CYLC1: variants seen among roughly 807,000 people sequenced by gnomAD.
The protein encoded by CYLC1 is cylicin-1.
A neutral mutation model predicts 31.6 loss-of-function variants in CYLC1; 2 were observed. The observed-to-expected ratio is 0.06, with a 90% CI of 0.03 to 0.20. The LOEUF (loss-of-function observed/expected upper bound fraction) is 0.20, where lower values mean the gene tolerates loss of function less well. CYLC1 is among the 10% of genes least tolerant of loss of function. The pLI is 1.00. For missense variants in CYLC1, 595 were observed against 424.1 expected (o/e 1.40, Z -3.54); for synonymous variants, 185 against 153.0 (o/e 1.21, Z -1.54).
At chrX:83,876,354 T>A (rs2031758633) in intron 4 of CYLC1, among the ~76,000 whole-genome samples, 1 of 110,718 alleles carries the variant, frequency 9.0e-6, no homozygotes, top group South Asian at 3.8e-4. Flanking sequence ...AAAAGTACAC[T>A]GGGGAATAAT....
chrX:83,870,514 T>A (rs1405486506), intron 2 of CYLC1, among the ~76,000 whole-genome samples: 4 of 111,531 alleles, frequency 3.6e-5, no homozygotes, highest in African/African-American at 9.7e-5. Flanking sequence ...ATTTAACCTC[T>A]CCCTCTCTCT....
At chrX:83,871,086 A>G (rs1251471262) in intron 2 of CYLC1, among the ~76,000 whole-genome samples, 4 of 86,786 alleles carry the variant, frequency 4.6e-5, no homozygotes, top group African/African-American at 1.4e-4. Flanking sequence ...AGTGACATAA[A>G]GAAAAAAAAA....
At chrX:83,861,969 T>G (rs938071615) in intron 1 of CYLC1, among the ~76,000 whole-genome samples, 47 of 111,231 alleles carry the variant, frequency 4.2e-4, no homozygotes, top group African/African-American at 1.5e-3. Context: ...AAAATTCAAT[T>G]AATGTGGAAT....
intron 4 of CYLC1, among the ~76,000 whole-genome samples, chrX:83,878,042 A>G (rs2031811758): frequency 1.5e-5 from 1 of 66,316 alleles, no homozygotes; most frequent in African/African-American, 6.0e-5. Flanking sequence ...GTATATAAAT[A>G]TAAATATATA....
intron 3 of CYLC1, among the ~76,000 whole-genome samples, 164 bp from the exon 4 acceptor site, chrX:83,872,718 TACAC>T (rs61531587): frequency 0.026 from 2,361 of 91,806 alleles, 29 homozygotes; most frequent in African/African-American, 0.046. Context: ...GTCTCTCTCT[TACAC>T]ACACACACAC....
intron 4 of CYLC1, among the ~76,000 whole-genome samples, chrX:83,882,853 G>A (rs924792559): frequency 1.8e-5 from 2 of 110,773 alleles, no homozygotes; most frequent in Admixed American, 9.7e-5. Context: ...AGCTCCAAGA[G>A]ATCAGAAAAA....
chrX:83,882,303 G>A (rs2031922204), intron 4 of CYLC1, among the ~76,000 whole-genome samples: 1 of 110,572 alleles, frequency 9.0e-6, no homozygotes, highest in Non-Finnish European at 1.9e-5. Flanking sequence ...TCCTACATTT[G>A]TTTTTAATAT....
chrX:83,874,649 T>C lies in CYLC1; in HGVS notation c.1923+18T>C, dbSNP rs774028300. ...CTCCTTTGGTAAGTTTACTACTGTT[T>C]TATATTTAGGCTGAAATGGATATAA... is the stretch of plus-strand genomic sequence containing the variant. On this transcript the variant is annotated intron_variant, in intron 4 of 4. Coordinates refer to ENST00000329312, the MANE Select transcript of CYLC1 (RefSeq NM_021118.3). 8.7e-7 allele frequency: 1 copy of C among 1,154,838 alleles called. No individual in the cohort carries two copies.
chrX:83,875,811 C>T (rs1207244886), intron 4 of CYLC1, among the ~76,000 whole-genome samples: 1 of 111,004 alleles, frequency 9.0e-6, no homozygotes, highest in Non-Finnish European at 1.9e-5. Context: ...TACATGATTT[C>T]TGGGCATCAA....
Position 83,872,496 on chromosome X carries a change from A to G in CYLC1, c.178-390A>G, listed in dbSNP as rs188157469. On this transcript the variant is annotated intron_variant, in intron 3 of 4. Coordinates refer to ENST00000329312, the MANE Select transcript of CYLC1 (RefSeq NM_021118.3). ...CTTCAAGTGGATCAGTTTATTTCTG[A>G]TTTAACTTGGGGATAAACAGTGTTC... 1.4e-4 allele frequency among the ~76,000 whole-genome samples: 15 copies of G among 110,299 alleles called. No homozygotes were observed. In the East Asian group the frequency reaches 4.3e-3, roughly 31 times the overall value.
intron 1 of CYLC1, among the ~76,000 whole-genome samples, chrX:83,864,260 A>T (rs767666800): frequency 9.0e-6 from 1 of 111,087 alleles, no homozygotes; most frequent in East Asian, 2.9e-4. Context: ...ACATAATTCG[A>T]CTCATAACAC....
At chrX:83,877,345 C>T (rs2031780595) in intron 4 of CYLC1, among the ~76,000 whole-genome samples, 1 of 111,336 alleles carries the variant, frequency 9.0e-6, no homozygotes, top group Non-Finnish European at 1.9e-5. Flanking sequence ...AACTCCTGGG[C>T]TCAAGCAATC....
intron 4 of CYLC1, among the ~76,000 whole-genome samples, chrX:83,882,419 G>T (rs1020511516): frequency 1.3e-4 from 14 of 108,279 alleles, no homozygotes; most frequent in African/African-American, 4.4e-4. Flanking sequence ...CTTTTCTTTA[G>T]TTCTTTTTTA....
At position 83,866,299 on chromosome X, in the gene CYLC1, C is replaced by A. The variant is rs141607257; in HGVS notation, c.18-3566C>A. 5.8e-3 allele frequency among the ~76,000 whole-genome samples: 649 copies of A among 111,794 alleles called. 2 individuals carry two copies. The highest frequency in any genetic ancestry group is 0.02 in the African/African-American group (618 of 30,845). On this transcript the variant is annotated intron_variant, in intron 1 of 4. Transcript: ENST00000329312. Reference sequence around the variant, plus strand: ...TGGAATCATTGGCCTCAAGCAATTTCTAAGTCAAACTGAGTAAACTCTGTT... The same window carrying A: ...TGGAATCATTGGCCTCAAGCAATTTATAAGTCAAACTGAGTAAACTCTGTT...
intron 4 of CYLC1, among the ~76,000 whole-genome samples, chrX:83,883,816 A>G (rs1313216603): frequency 4.5e-5 from 5 of 111,979 alleles, no homozygotes; most frequent in Admixed American, 2.9e-4. Context: ...CAAAAAATGA[A>G]TGAAAGAATT....
intron 4 of CYLC1, 62 bp downstream of exon 4, chrX:83,874,693 G>A: frequency 9.5e-7 from 1 of 1,049,627 alleles, no homozygotes; most frequent in Non-Finnish European, 1.3e-6. Flanking sequence ...ACTTTTTAAA[G>A]TTTGAATTTA....
rs1162727107 is a variant in CYLC1, at chrX:83,861,329, A to G, written c.17+130A>G. The G allele has an allele frequency of 6.2e-6, 3 of 484,864 alleles. No individual in the cohort carries two copies. In the African/African-American group the frequency reaches 7.4e-5, roughly 12 times the overall value. The allele number at this position is 484,864 out of a possible 1,213,427, so 40.0% of individuals were successfully genotyped here. On this transcript the variant is annotated intron_variant, in intron 1 of 4. Transcript: ENST00000329312. ...GTTTTATTTATGAATTAGAACTTGT[A>G]TTTTAAACAGAGATATGAAATTTTC...
intron 4 of CYLC1, among the ~76,000 whole-genome samples, chrX:83,875,294 T>C (rs2147781926): frequency 9.0e-6 from 1 of 111,594 alleles, no homozygotes; most frequent in South Asian, 3.7e-4. Flanking sequence ...TCCAGGAGTC[T>C]TTCCCTTCAA....
chrX:83,871,113 A>G (rs1241419003), intron 2 of CYLC1, among the ~76,000 whole-genome samples: 1 of 110,574 alleles, frequency 9.0e-6, no homozygotes, highest in Non-Finnish European at 1.9e-5. Context: ...AGACGAGATG[A>G]TGTAGATATT....
Sources: gnomAD v4.1 joint callset for allele counts (sites outside exome capture counted in the v4.1 genomes callset) on GRCh38, gnomAD v4.1.1 for gene constraint, MANE v1.5 for transcripts, NCBI Gene and HGNC (gene_info 2026-07-23, HGNC 2026-07-21) for gene names.